The following EXTL3 variants were observed in gnomAD, a reference collection of about 807,000 sequenced individuals.
EXTL3 encodes exostosin like glycosyltransferase 3, also known as exostosin-like 3.
In EXTL3, 27 loss-of-function variants were observed where a neutral mutation model predicts 69.3. The observed-to-expected ratio is 0.39, with a 90% CI of 0.29 to 0.54. The LOEUF (loss-of-function observed/expected upper bound fraction) is 0.54. Among genes scored for constraint, EXTL3 ranks in the 20% least tolerant of loss-of-function variants. The probability of loss-of-function intolerance (pLI) is 0.69; values close to 1 mark genes in which losing one functional copy is unlikely to be tolerated. For missense variants in EXTL3, 1,003 were observed against 1,231.8 expected, an observed-to-expected ratio of 0.81 and a Z score of 2.78; for synonymous variants, 511 against 499.4, an observed-to-expected ratio of 1.02 and a Z score of -0.31.
In EXTL3 at chr8:28,751,253, A is replaced by AT. The variant is rs1801997405; in HGVS notation, c.*388dup. The AT allele has an allele frequency of 3.9e-6, 1 of 254,714 alleles. No homozygotes were observed. Among genetic ancestry groups the AT allele is most frequent in the East Asian group, 9.0e-5 (1 of 11,050 alleles). 15.8% of individuals were successfully genotyped at this position (254,714 alleles called of 1,614,324 possible). On this transcript the variant is annotated 3_prime_UTR_variant, in exon 7 of 7. Coordinates refer to ENST00000220562, the MANE Select transcript of EXTL3 (RefSeq NM_001440.4). ...TTTGCCATTCAAGGCTTATTTATAT[A>AT]TATGTGTGTGTATATAAATACATGC...
rs1033974804 is a variant in EXTL3, at chr8:28,653,406, T to C, written c.-53+30596T>C. 6.6e-5 allele frequency among the ~76,000 whole-genome samples: 10 copies of C among 152,226 alleles called. No individual in the cohort carries two copies. The South Asian group carries it at 1.9e-3, about 28-fold the overall frequency. ...TTAGTTTATCTATATATTCTTTTGTTACCTGTGCTTTTTAAGTGTCATACT... is the reference window on the plus strand; with the variant it reads ...TTAGTTTATCTATATATTCTTTTGTCACCTGTGCTTTTTAAGTGTCATACT... On this transcript the variant is annotated intron_variant, in intron 1 of 6. Coordinates refer to the EXTL3 transcript ENST00000523149.
chr8:28,729,765 C>T lies in EXTL3; in HGVS notation c.2149-1458C>T, dbSNP rs142685403. 3.3e-3 allele frequency among the ~76,000 whole-genome samples: 497 copies of T among 151,460 alleles called. 3 individuals are homozygous for T. Among genetic ancestry groups the T allele is most frequent in the African/African-American group, 0.012 (479 of 41,252 alleles). On this transcript the variant is annotated intron_variant, in intron 3 of 6. Coordinates refer to ENST00000220562, the MANE Select transcript of EXTL3 (RefSeq NM_001440.4). ...CCTGTAATCCTTGCACTTTCGGAGCCGAGATAGGAGGATCTCTTGAGCTCA... is the reference window on the plus strand; with the variant it reads ...CCTGTAATCCTTGCACTTTCGGAGCTGAGATAGGAGGATCTCTTGAGCTCA...
intron 2 of EXTL3, among the ~76,000 whole-genome samples, chr8:28,616,505 C>T (rs1206488566): frequency 2.6e-5 from 4 of 151,996 alleles, no homozygotes; most frequent in Non-Finnish European, 5.9e-5. Flanking sequence ...CGGGCGCCTG[C>T]AGTCCCAGCT....
intron 2 of EXTL3, among the ~76,000 whole-genome samples, chr8:28,613,958 T>C (rs1450848475): frequency 6.6e-6 from 1 of 151,952 alleles, no homozygotes; most frequent in Non-Finnish European, 1.5e-5. Context: ...TAGCTAGGAC[T>C]ACAGGCCCAT....
chr8:28,634,597 CTTT>C (rs1310592146), intron 1 of EXTL3, among the ~76,000 whole-genome samples: 6 of 136,152 alleles, frequency 4.4e-5, no homozygotes, highest in Non-Finnish European at 4.7e-5. Flanking sequence ...ACCACATCTG[CTTT>C]TTTTTTTTTT....
chr8:28,660,104 T>C (rs1473226152), intron 1 of EXTL3, among the ~76,000 whole-genome samples: 2 of 152,230 alleles, frequency 1.3e-5, no homozygotes, highest in Non-Finnish European at 2.9e-5. Context: ...GGCTCATGCC[T>C]GTAATCCCAG....
At chr8:28,662,023 G>A (rs1378097321) in intron 1 of EXTL3, among the ~76,000 whole-genome samples, 3 of 150,662 alleles carry the variant, frequency 2.0e-5, no homozygotes, top group Admixed American at 6.6e-5. Context: ...AACTATAGAG[G>A]GTAAATAATA....
chr8:28,700,878 T>C (rs1243161839), upstream of EXTL3: 1 of 152,326 alleles, frequency 6.6e-6, no homozygotes, highest in African/African-American at 2.4e-5. Context: ...AACGTGCACT[T>C]TGGGGCTCAC....
intron 5 of EXTL3, chr8:28,741,781 AAAAT>A (rs1323027124): frequency 6.6e-6 from 1 of 152,226 alleles, no homozygotes; most frequent in East Asian, 1.9e-4. Flanking sequence ...TGTTAAAAAA[AAAAT>A]TACAATTCAT....
At chr8:28,635,623 A>G (rs1806641253) in intron 1 of EXTL3, among the ~76,000 whole-genome samples, 2 of 151,146 alleles carry the variant, frequency 1.3e-5, no homozygotes, top group African/African-American at 4.9e-5. Flanking sequence ...AGGCAGGAGA[A>G]TGGTGTGAAC....
chr8:28,734,143 A>G (rs541182342), intron 4 of EXTL3, among the ~76,000 whole-genome samples: 1 of 152,120 alleles, frequency 6.6e-6, no homozygotes, highest in Admixed American at 6.6e-5. Context: ...TTATCACGTT[A>G]TAAGAGTTCT....
At chr8:28,721,686 T>C (rs1801295818) in intron 3 of EXTL3, among the ~76,000 whole-genome samples, 1 of 152,246 alleles carries the variant, frequency 6.6e-6, no homozygotes. Flanking sequence ...TGAACTCTTC[T>C]GGAGGCAGAA....
At position 28,753,397 on chromosome 8, in the gene EXTL3, T is replaced by C. The variant is rs1474679225; in HGVS notation, c.*2531T>C. On this transcript the variant is annotated 3_prime_UTR_variant, in exon 7 of 7. Coordinates refer to ENST00000220562, the MANE Select transcript of EXTL3 (RefSeq NM_001440.4). ...CTTGCTGCTCCGGTTTGGGCTGTCTTACCATAACACCGTCCCAGGGCTCTG... is the reference window on the plus strand; with the variant it reads ...CTTGCTGCTCCGGTTTGGGCTGTCTCACCATAACACCGTCCCAGGGCTCTG... The C allele has an allele frequency of 1.3e-5, 2 of 152,498 alleles. No individual in the cohort carries two copies. The highest frequency in any genetic ancestry group is 2.1e-4 in the South Asian group (1 of 4,834). 9.4% of individuals were successfully genotyped at this position (152,498 alleles called of 1,614,324 possible).
intron 1 of EXTL3, among the ~76,000 whole-genome samples, chr8:28,677,755 C>A (rs910381678): frequency 6.6e-6 from 1 of 152,212 alleles, no homozygotes; most frequent in Non-Finnish European, 1.5e-5. Flanking sequence ...ACACAACCAC[C>A]CCAATAATAG....
chr8:28,745,028 C>T (rs184753208), intron 6 of EXTL3, among the ~76,000 whole-genome samples: 19 of 152,128 alleles, frequency 1.2e-4, no homozygotes, highest in South Asian at 2.1e-4. Flanking sequence ...GTACTAATAA[C>T]GATAATGAAA....
In EXTL3 at chr8:28,751,208, TA is replaced by T. The variant is rs1157344610; in HGVS notation, c.*347del. 2 of 296,976 alleles carry T rather than the reference TA, an allele frequency of 6.7e-6. No homozygotes were observed. The highest frequency in any genetic ancestry group is 4.2e-5 in the African/African-American group (2 of 47,404). The allele number at this position is 296,976 out of a possible 1,614,324, so 18.4% of individuals were successfully genotyped here. On this transcript the variant is annotated 3_prime_UTR_variant, in exon 7 of 7. Transcript: ENST00000220562. ...TTCAATAACAACTATTATGATTATT[TA>T]AAAAGAGAAAGTTTCAGATTTGCCA...
At chr8:28,622,069 C>T (rs569672742), upstream of EXTL3, among the ~76,000 whole-genome samples, 2 of 152,170 alleles carry the variant, frequency 1.3e-5, no homozygotes. Context: ...CACACAGAAC[C>T]CCGTTCTTCT....
In EXTL3 at chr8:28,640,581, T is replaced by C. The variant is rs577288574; in HGVS notation, c.-53+17771T>C. 4.6e-5 allele frequency among the ~76,000 whole-genome samples: 7 copies of C among 152,314 alleles called. No homozygotes were observed. In the East Asian group the frequency reaches 1.3e-3, roughly 29 times the overall value. On this transcript the variant is annotated intron_variant, in intron 1 of 6. Transcript: ENST00000523149. Reference sequence around the variant, plus strand: ...GGCTTCACCATGGTATTAACACTTTTATTAGCACTTTTATGTATTTTTAAC... The same window carrying C: ...GGCTTCACCATGGTATTAACACTTTCATTAGCACTTTTATGTATTTTTAAC...
intron 3 of EXTL3, among the ~76,000 whole-genome samples, chr8:28,727,416 A>G (rs1801437326): frequency 6.6e-6 from 1 of 152,196 alleles, no homozygotes; most frequent in African/African-American, 2.4e-5. Context: ...AAACACTTTG[A>G]TATTTGACCT....
Sources: allele counts gnomAD v4.1 joint callset (sites outside exome capture counted in the v4.1 genomes callset), GRCh38; gene constraint gnomAD v4.1.1; transcripts MANE v1.5; gene names NCBI Gene and HGNC (gene_info 2026-07-23, HGNC 2026-07-21).